Variants in SLC20A2 observed in about 807,000 individuals in gnomAD.
The protein encoded by SLC20A2 is solute carrier family 20 member 2.
SLC20A2 carries 30 observed loss-of-function variants against 61.0 expected under a neutral mutation model. That is an observed-to-expected ratio of 0.49 (90% CI 0.37 to 0.67). The LOEUF is 0.67. Among genes scored for constraint, SLC20A2 ranks in the 30% least tolerant of loss-of-function variants. The pLI, the probability that SLC20A2 is intolerant of heterozygous loss-of-function variation, is 0.00. For missense variants in SLC20A2, 626 were observed against 866.4 expected (o/e 0.72, Z 3.48); for synonymous variants, 351 against 353.3 (o/e 0.99, Z 0.07).
Position 42,416,633 on chromosome 8 carries a change from AAAG to A in SLC20A2, c.*1167_*1169del, listed in dbSNP as rs1204484186. On this transcript the variant is annotated 3_prime_UTR_variant, in exon 11 of 11. Coordinates refer to ENST00000520262, the MANE Select transcript of SLC20A2 (RefSeq NM_001257180.2). ...TACTTCCTCCCTCCCGCTATCAAAA[AAAG>A]AAGAGACTCCAATGGGATGGAGTAG... 1 of 152,638 alleles carries A rather than the reference AAAG, an allele frequency of 6.6e-6. No individual in the cohort carries two copies. The highest frequency in any genetic ancestry group is 1.9e-4 in the East Asian group (1 of 5,198). 9.5% of individuals were successfully genotyped at this position (152,638 alleles called of 1,614,324 possible).
At position 42,428,896 on chromosome 8, in the gene SLC20A2, A is replaced by G. The variant is rs1803631981; in HGVS notation, c.1710-54T>C. 4 of 1,441,374 alleles carry G rather than the reference A, an allele frequency of 2.8e-6. No homozygotes were observed. In the African/African-American group the frequency reaches 4.3e-5, roughly 16 times the overall value. The allele number at this position is 1,441,374 out of a possible 1,614,324, so 89.3% of individuals were successfully genotyped here. A position where few individuals can be genotyped will look rare whatever the true frequency, so the allele number is the denominator to read the frequency against. ...GGTGCCCTCTGTATCAGCCTCCCTG[A>G]CACCCCGTGGGTGCTAGAGGCTCAC... On this transcript the variant is annotated intron_variant, in intron 9 of 10. Coordinates refer to ENST00000520262, the MANE Select transcript of SLC20A2 (RefSeq NM_001257180.2).
In SLC20A2 at chr8:42,437,345, G is replaced by A; in HGVS notation, c.1167C>T (p.Tyr389=). ...CTGGCAGCCCACAAATGGCTGCGGT[G>A]TAGCAGGTGTAACTGTTGTTTCGGC... ...LLRRNNSYTC[Y]TAAICGLPVH... Residue 389 remains tyrosine, a synonymous_variant, in exon 8 of 11, where the codon TAC becomes TAT. Transcript: ENST00000520262. The surrounding 1 kb of genome is among the most constrained non-coding windows in gnomAD (Gnocchi z 6.4). The A allele has an allele frequency of 1.2e-6, 2 of 1,614,172 alleles. No individual in the cohort carries two copies. The highest frequency in any genetic ancestry group is 1.7e-6 in the Non-Finnish European group (2 of 1,180,014).
intron 6 of SLC20A2, among the ~76,000 whole-genome samples, chr8:42,440,835 C>T (rs1804716951): frequency 6.6e-6 from 1 of 152,242 alleles, no homozygotes; most frequent in Non-Finnish European, 1.5e-5. Flanking sequence ...GAATCTCACT[C>T]TGTCACTCAG....
At chr8:42,494,377 A>C (rs1809755295) in intron 1 of SLC20A2, among the ~76,000 whole-genome samples, 1 of 152,196 alleles carries the variant, frequency 6.6e-6, no homozygotes, top group South Asian at 2.1e-4. Flanking sequence ...CTTTTTAAAG[A>C]GAAAGTTTTC....
chr8:42,538,206 C>T (rs1218850691), intron 1 of SLC20A2: 1 of 148,852 alleles, frequency 6.7e-6, no homozygotes, highest in East Asian at 1.9e-4. Context: ...AAATATAAAC[C>T]TACTCTGTAT....
At chr8:42,458,458 T>C (rs1002969297) in intron 5 of SLC20A2, among the ~76,000 whole-genome samples, 4 of 151,494 alleles carry the variant, frequency 2.6e-5, no homozygotes, top group Admixed American at 2.0e-4. Flanking sequence ...ACCCCATCTC[T>C]ACAAAAAATA....
chr8:42,483,998 C>T (rs1808754678), intron 1 of SLC20A2, among the ~76,000 whole-genome samples: 2 of 152,158 alleles, frequency 1.3e-5, no homozygotes, highest in South Asian at 2.1e-4. Flanking sequence ...ACCGCATATT[C>T]TTTCCATTAA....
intron 5 of SLC20A2, among the ~76,000 whole-genome samples, chr8:42,456,414 T>C (rs970457525): frequency 1.3e-5 from 2 of 152,070 alleles, no homozygotes; most frequent in Non-Finnish European, 2.9e-5. Context: ...TCTGTTCAGC[T>C]AACTTGAACT....
chr8:42,418,717 G>A (rs1585969635), intron 10 of SLC20A2, among the ~76,000 whole-genome samples: 2 of 151,534 alleles, frequency 1.3e-5, no homozygotes, highest in African/African-American at 2.4e-5. Flanking sequence ...TAATATTCCC[G>A]GCCGTGCGCG....
At chr8:42,496,001 T>C (rs981346033) in intron 1 of SLC20A2, among the ~76,000 whole-genome samples, 4 of 151,946 alleles carry the variant, frequency 2.6e-5, no homozygotes, top group Admixed American at 6.6e-5. Flanking sequence ...CCACCCACCT[T>C]GGCCTCCCAA....
intron 1 of SLC20A2, among the ~76,000 whole-genome samples, chr8:42,512,003 A>G (rs916621059): frequency 6.6e-6 from 1 of 152,204 alleles, no homozygotes; most frequent in African/African-American, 2.4e-5. Context: ...CAGTTCCTTC[A>G]TAATACAGGG....
rs112541092 is a variant in SLC20A2 at position 42,433,042 on chromosome 8, A to G, written c.1524-2793T>C. 2.6e-5 allele frequency among the ~76,000 whole-genome samples: 4 copies of G among 152,328 alleles called. 1 individual carries two copies. Among genetic ancestry groups the G allele is most frequent in the African/African-American group, 9.6e-5 (4 of 41,572 alleles). On this transcript the variant is annotated intron_variant, in intron 8 of 10. Coordinates refer to ENST00000520262, the MANE Select transcript of SLC20A2 (RefSeq NM_001257180.2). ...CTTGGTGTATTTGAGGTTCACCTAT[A>G]TAATCTATTCATGGTCCAAATGATT...
intron 10 of SLC20A2, among the ~76,000 whole-genome samples, chr8:42,419,235 A>G (rs1159857400): frequency 6.6e-6 from 1 of 152,106 alleles, no homozygotes; most frequent in Admixed American, 6.6e-5. Context: ...CCTTCTGCTA[A>G]AGATTTCACA....
intron 1 of SLC20A2, among the ~76,000 whole-genome samples, chr8:42,489,191 G>A (rs1262946231): frequency 3.3e-5 from 5 of 151,888 alleles, no homozygotes; most frequent in Non-Finnish European, 7.4e-5. Context: ...CACCCGCTTC[G>A]GCCTCCCAAA....
chr8:42,441,747 G>A (rs192067451), intron 6 of SLC20A2, among the ~76,000 whole-genome samples: 5 of 151,864 alleles, frequency 3.3e-5, no homozygotes, highest in South Asian at 2.1e-4. Flanking sequence ...GATTATAGTC[G>A]TGTGCCACTG....
chr8:42,483,367 G>A (rs1372981487), intron 1 of SLC20A2, among the ~76,000 whole-genome samples: 6 of 152,294 alleles, frequency 3.9e-5, no homozygotes, highest in Middle Eastern at 3.4e-3. Context: ...GCAAAACTCC[G>A]TCTTAAAAAC....
At chr8:42,458,449 C>A (rs1183436453) in intron 5 of SLC20A2, among the ~76,000 whole-genome samples, 4 of 150,132 alleles carry the variant, frequency 2.7e-5, no homozygotes, top group Admixed American at 1.3e-4. Flanking sequence ...AATATAGAGA[C>A]CCCATCTCTA....
chr8:42,538,755 T>G (rs1341303776), intron 1 of SLC20A2, among the ~76,000 whole-genome samples: 2 of 152,192 alleles, frequency 1.3e-5, no homozygotes, highest in Non-Finnish European at 2.9e-5. Flanking sequence ...AACACATCAT[T>G]TAAATGCCTT....
chr8:42,495,422 G>C (rs1809849510), intron 1 of SLC20A2, among the ~76,000 whole-genome samples: 1 of 152,202 alleles, frequency 6.6e-6, no homozygotes, highest in African/African-American at 2.4e-5. Context: ...GTTAAGATCA[G>C]CTCCCTGTGC....
Sources: allele counts gnomAD v4.1 joint callset (sites outside exome capture counted in the v4.1 genomes callset), GRCh38; gene constraint gnomAD v4.1.1; non-coding constraint Gnocchi (gnomAD v3.1); transcripts MANE v1.5; gene names NCBI Gene and HGNC (gene_info 2026-07-23, HGNC 2026-07-21).